SYT16: variants seen among roughly 807,000 people sequenced by gnomAD.
The protein encoded by SYT16 is synaptotagmin 16.
A neutral mutation model predicts 61.4 loss-of-function variants in SYT16; 42 were observed. That is an observed-to-expected ratio of 0.68 (90% confidence interval 0.53 to 0.89). The LOEUF is 0.89. SYT16 is among the 40% of genes least tolerant of loss of function. The pLI, the probability that SYT16 is intolerant of heterozygous loss-of-function variation, is 0.00. For synonymous variants in SYT16, 314 were observed against 302.3 expected, an observed-to-expected ratio of 1.04 and a Z score of -0.40; for missense variants, 804 against 807.3, an observed-to-expected ratio of 1.00 and a Z score of 0.05.
chr14:61,884,425 G>A (rs976487811), intron 1 of SYT16, among the ~76,000 whole-genome samples: 7 of 152,086 alleles, frequency 4.6e-5, no homozygotes, highest in African/African-American at 1.7e-4. Flanking sequence ...AACTAATTAA[G>A]GAAGTACCTT....
At chr14:61,938,079 C>G (rs74490789) in intron 1 of SYT16, among the ~76,000 whole-genome samples, 2,669 of 108,948 alleles carry the variant, frequency 0.024, 45 homozygotes, top group South Asian at 0.044. Context: ...AGACAGGAAA[C>G]TTGGAGGGAT....
intron 1 of SYT16, among the ~76,000 whole-genome samples, chr14:61,891,178 G>A (rs1423108153): frequency 6.6e-6 from 1 of 151,730 alleles, no homozygotes; most frequent in African/African-American, 2.4e-5. Context: ...TTTGAGAACT[G>A]AATCCTTTAA....
intron 7 of SYT16, among the ~76,000 whole-genome samples, chr14:62,092,894 T>C (rs1415139993): frequency 6.6e-6 from 1 of 152,116 alleles, no homozygotes; most frequent in African/African-American, 2.4e-5. Flanking sequence ...GTGTATATTT[T>C]AACACAATTT....
At chr14:62,069,526 T>G in intron 3 of SYT16, 77 bp from the exon 4 acceptor site, 2 of 1,383,558 alleles carry the variant, frequency 1.4e-6, no homozygotes, top group Middle Eastern at 3.7e-4. Context: ...TCTTCTCTTC[T>G]GTTTTCCTGG....
chr14:62,026,517 A>G (rs1023259891), intron 3 of SYT16, among the ~76,000 whole-genome samples: 13 of 152,150 alleles, frequency 8.5e-5, no homozygotes, highest in African/African-American at 1.9e-4. Flanking sequence ...TCTTAGTCCT[A>G]TTCAGGAAGG....
At chr14:61,964,051 C>T (rs920431599) in intron 1 of SYT16, among the ~76,000 whole-genome samples, 16 of 152,110 alleles carry the variant, frequency 1.1e-4, no homozygotes, top group Admixed American at 8.5e-4. Context: ...TGACAATGCA[C>T]CTGGTCATGC....
intron 3 of SYT16, among the ~76,000 whole-genome samples, chr14:62,000,609 G>T (rs2052975005): frequency 6.6e-6 from 1 of 151,810 alleles, no homozygotes. Context: ...TGTTCCATCT[G>T]TTCTTTGTTT....
chr14:62,040,707 T>G (rs926736581), intron 3 of SYT16, among the ~76,000 whole-genome samples: 3 of 152,192 alleles, frequency 2.0e-5, no homozygotes, highest in African/African-American at 7.2e-5. Context: ...ACATGAAACA[T>G]CTCTTTTTCC....
chr14:61,995,003 A>C (rs569800391), intron 2 of SYT16, among the ~76,000 whole-genome samples: 8 of 152,308 alleles, frequency 5.3e-5, no homozygotes, highest in African/African-American at 1.9e-4. Flanking sequence ...GTCATTTGTA[A>C]CGTTCATCTT....
intron 7 of SYT16, among the ~76,000 whole-genome samples, chr14:62,098,679 GT>G (rs1394449922): frequency 6.6e-6 from 1 of 152,162 alleles, no homozygotes; most frequent in Non-Finnish European, 1.5e-5. Context: ...GCACATGGTA[GT>G]CACGAGCTAA....
intron 5 of SYT16, 42 bp downstream of exon 5, chr14:62,075,433 C>G: frequency 6.4e-7 from 1 of 1,555,154 alleles, no homozygotes; most frequent in African/African-American, 1.4e-5. Context: ...TTCCCTTTCC[C>G]CTTCCCCTCT....
chr14:62,044,383 A>G (rs2054875732), intron 3 of SYT16, among the ~76,000 whole-genome samples: 1 of 152,090 alleles, frequency 6.6e-6, no homozygotes, highest in Non-Finnish European at 1.5e-5. Context: ...TGCTGTACAT[A>G]TCAACCCATC....
upstream of SYT16, chr14:61,812,492 G>A (rs1449640339): frequency 3.3e-5 from 5 of 151,356 alleles, no homozygotes; most frequent in Non-Finnish European, 7.4e-5. Flanking sequence ...GGGCGGGAAA[G>A]GAAAGGAGGG....
At chr14:62,043,558 C>T (rs987216526) in intron 3 of SYT16, among the ~76,000 whole-genome samples, 3 of 151,992 alleles carry the variant, frequency 2.0e-5, no homozygotes, top group African/African-American at 4.8e-5. Context: ...CAGGCGCCCA[C>T]CACCATGCCC....
At chr14:61,848,192 T>C (rs2046500789) in intron 1 of SYT16, among the ~76,000 whole-genome samples, 1 of 152,154 alleles carries the variant, frequency 6.6e-6, no homozygotes, top group Non-Finnish European at 1.5e-5. Context: ...TTGTATTCAT[T>C]CTTCTTGGGA....
At chr14:61,909,265 A>T (rs1000745656) in intron 1 of SYT16, among the ~76,000 whole-genome samples, 1 of 152,352 alleles carries the variant, frequency 6.6e-6, no homozygotes, top group East Asian at 1.9e-4. Flanking sequence ...CATCATGTAT[A>T]GTGCATATAC....
chr14:61,954,538 T>C (rs1473248221), intron 1 of SYT16, among the ~76,000 whole-genome samples: 5 of 152,202 alleles, frequency 3.3e-5, no homozygotes, highest in African/African-American at 1.2e-4. Flanking sequence ...TACAGCCATC[T>C]GATTTCCAAT....
intron 1 of SYT16, among the ~76,000 whole-genome samples, chr14:61,946,425 AG>A (rs893913719): frequency 2.6e-5 from 4 of 152,136 alleles, no homozygotes; most frequent in Admixed American, 1.3e-4. Context: ...GGACGGTAGG[AG>A]GGGGGTGAGG....
At chr14:62,012,241 TTGAC>T (rs1296915694) in intron 3 of SYT16, among the ~76,000 whole-genome samples, 1 of 152,170 alleles carries the variant, frequency 6.6e-6, no homozygotes, top group African/African-American at 2.4e-5. Context: ...ATCTGGAAGT[TTGAC>T]TGGGGAAAAG....
Sources: allele counts gnomAD v4.1 joint callset (sites outside exome capture counted in the v4.1 genomes callset), GRCh38; gene constraint gnomAD v4.1.1; transcripts MANE v1.5; gene names NCBI Gene and HGNC (gene_info 2026-07-23, HGNC 2026-07-21).